SLC44A5: variants seen among roughly 807,000 people sequenced by gnomAD.
SLC44A5 encodes choline transporter-like protein 5.
A neutral mutation model predicts 101.8 loss-of-function variants in SLC44A5; 57 were observed. That is an observed-to-expected ratio of 0.56 (90% CI 0.45 to 0.70). SLC44A5 has a LOEUF of 0.70. Among genes scored for constraint, SLC44A5 ranks in the 30% least tolerant of loss-of-function variants. The pLI is 0.00. For missense variants in SLC44A5, 737 were observed against 853.1 expected (o/e 0.86, Z 1.70); for synonymous variants, 281 against 290.9 (o/e 0.97, Z 0.35).
At chr1:75,695,866 A>T in the SLC44A5 span, among the ~76,000 whole-genome samples, 1 of 150,358 alleles carries the variant, frequency 6.7e-6, no homozygotes, top group Non-Finnish European at 1.5e-5. Context: ...TATAAACCTG[A>T]TACTGAAAGG....
the SLC44A5 span, among the ~76,000 whole-genome samples, chr1:75,644,316 T>C: frequency 6.6e-6 from 1 of 151,798 alleles, no homozygotes; most frequent in Non-Finnish European, 1.5e-5. Context: ...TTTAAAAATA[T>C]ACATACAAAG....
chr1:75,298,190 G>T (rs541739695), intron 5 of SLC44A5, among the ~76,000 whole-genome samples: 1 of 152,004 alleles, frequency 6.6e-6, no homozygotes, highest in Non-Finnish European at 1.5e-5. Context: ...CTCTGCCATA[G>T]TTTCCCCTCA....
chr1:75,455,126 A>T (rs1036780861), intron 2 of SLC44A5, among the ~76,000 whole-genome samples: 1 of 152,160 alleles, frequency 6.6e-6, no homozygotes, highest in Admixed American at 6.5e-5. Flanking sequence ...AAACTATATT[A>T]TAAGGTTGTA....
chr1:75,711,001 A>G, the SLC44A5 span, among the ~76,000 whole-genome samples: 2 of 152,078 alleles, frequency 1.3e-5, no homozygotes. Context: ...CTGTTTCTCT[A>G]TAACTTTAGC....
chr1:75,669,404 A>G, the SLC44A5 span, among the ~76,000 whole-genome samples: 1 of 152,128 alleles, frequency 6.6e-6, no homozygotes, highest in African/African-American at 2.4e-5. Context: ...AACAAACTTT[A>G]GTCAAAGGCC....
the SLC44A5 span, among the ~76,000 whole-genome samples, chr1:75,682,733 A>G: frequency 6.7e-6 from 1 of 150,290 alleles, no homozygotes; most frequent in East Asian, 1.9e-4. Context: ...AGCAATGGCA[A>G]CAAAAGCCAA....
chr1:75,318,395 GA>G (rs1209821721), intron 4 of SLC44A5, among the ~76,000 whole-genome samples: 1 of 147,788 alleles, frequency 6.8e-6, no homozygotes, highest in African/African-American at 2.5e-5. Context: ...AAGAAAGAAA[GA>G]AAGAAAGAAA....
the SLC44A5 span, among the ~76,000 whole-genome samples, chr1:75,656,797 C>T: frequency 2.6e-5 from 4 of 152,052 alleles, no homozygotes. Context: ...ATACAAGTAA[C>T]AAAATGGTAG....
intron 1 of SLC44A5, among the ~76,000 whole-genome samples, chr1:75,606,185 C>T (rs1366224749): frequency 6.6e-6 from 1 of 151,864 alleles, no homozygotes; most frequent in East Asian, 1.9e-4. Flanking sequence ...GACTGGCAAA[C>T]TCTTGTCTTC....
At chr1:75,645,405 T>G in the SLC44A5 span, among the ~76,000 whole-genome samples, 1,027 of 152,196 alleles carry the variant, frequency 6.7e-3, 16 homozygotes, top group Admixed American at 0.037. Flanking sequence ...TCATGTGTCT[T>G]TTGGCTGCAT....
At chr1:75,712,713 A>AAAAATAAAAAAAAAAAAAAAAAAAAAAAC in the SLC44A5 span, among the ~76,000 whole-genome samples, 1 of 110,640 alleles carries the variant, frequency 9.0e-6, no homozygotes, top group Non-Finnish European at 1.8e-5. Context: ...AAAAAAAAAA[A>AAAAATAAAAAAAAAAAAAAAAAAAAAAAC]ATGGAAAAGA....
intron 1 of SLC44A5, among the ~76,000 whole-genome samples, chr1:75,583,911 C>T (rs1412810892): frequency 4.6e-5 from 7 of 152,108 alleles, no homozygotes; most frequent in South Asian, 2.1e-4. Context: ...GTTGGTGGTC[C>T]GGCCAATTTT....
At position 75,591,644 on chromosome 1, in the gene SLC44A5, C is replaced by T. The variant is rs113361061; in HGVS notation, c.-70+19396G>A. 9.4e-3 allele frequency among the ~76,000 whole-genome samples: 1,434 copies of T among 152,052 alleles called. 7 individuals are homozygous for T. Among genetic ancestry groups the T allele is most frequent in the Non-Finnish European group, 0.014 (981 of 67,972 alleles). On this transcript the variant is annotated intron_variant, in intron 1 of 23. Transcript: ENST00000370859. ...AATACTCAGCAAAATACTAGCAAAC[C>T]AAACTCAACAATACACTAGAAAGAT...
At chr1:75,419,839 G>A (rs11806471) in intron 2 of SLC44A5, among the ~76,000 whole-genome samples, 33,876 of 152,046 alleles carry the variant, frequency 0.22, 3,879 homozygotes, top group Non-Finnish European at 0.24. Context: ...CAGGACAGGA[G>A]ATTCTTATAC....
At chr1:75,217,764 T>C in intron 18 of SLC44A5, 102 bp downstream of exon 18, 1 of 774,542 alleles carries the variant, frequency 1.3e-6, no homozygotes, top group South Asian at 1.5e-5. Flanking sequence ...AAATATGCCC[T>C]TTCATCCTTA....
chr1:75,407,552 T>C (rs534312530), intron 2 of SLC44A5, among the ~76,000 whole-genome samples: 2 of 152,154 alleles, frequency 1.3e-5, no homozygotes, highest in Non-Finnish European at 2.9e-5. Flanking sequence ...TCAGAAATAA[T>C]GCCACACATC....
the SLC44A5 span, among the ~76,000 whole-genome samples, chr1:75,692,475 A>G: frequency 3.9e-5 from 6 of 152,150 alleles, no homozygotes; most frequent in Non-Finnish European, 5.9e-5. Flanking sequence ...GATTACAGGC[A>G]TGAGCCACCG....
At position 75,218,539 on chromosome 1, in the gene SLC44A5, C is replaced by A; in HGVS notation, c.1480G>T (p.Asp494Tyr). The change falls in exon 17 of 24, where the codon GAT becomes TAT. Residue 494 changes from aspartate (D) to tyrosine (Y), a missense_variant. This residue lies in a region of SLC44A5 where 665 missense variants were observed against 764.4 expected (regional missense o/e 0.87). Transcript: ENST00000370859. ...AAAAGTGGATATCGTGGGATGTCAT[C>A]AGGTTTTTTCATGGCCCAGTAATAA... is the stretch of plus-strand genomic sequence containing the variant. The part of the protein sequence containing the change: ...ATYYWAMKKP[D>Y]DIPRYPLFTA... 1 of 1,613,782 alleles carries A rather than the reference C, an allele frequency of 6.2e-7. No homozygotes were observed. The highest frequency in any genetic ancestry group is 8.5e-7 in the Non-Finnish European group (1 of 1,179,752).
chr1:75,335,956 T>C (rs1328452144), intron 4 of SLC44A5, among the ~76,000 whole-genome samples: 1 of 152,124 alleles, frequency 6.6e-6, no homozygotes, highest in Non-Finnish European at 1.5e-5. Flanking sequence ...CCCATGTTAC[T>C]TGTGCTTGCT....
Sources: allele counts gnomAD v4.1 joint callset (sites outside exome capture counted in the v4.1 genomes callset), GRCh38; gene constraint gnomAD v4.1.1; regional missense constraint gnomAD v4.1.1; transcripts MANE v1.5; gene names NCBI Gene and HGNC (gene_info 2026-07-23, HGNC 2026-07-21).